SF3A3: variants seen among roughly 807,000 people sequenced by gnomAD.
SF3A3 encodes the protein SAP 61.
Under a neutral mutation model 85.8 loss-of-function variants are expected in SF3A3, and 9 were observed. The observed-to-expected ratio is 0.10, with a 90% CI of 0.06 to 0.18. The LOEUF (loss-of-function observed/expected upper bound fraction) is 0.18, where lower values mean the gene tolerates loss of function less well. SF3A3 is among the 10% of genes least tolerant of loss of function. The pLI is 1.00. For missense variants in SF3A3, 306 were observed against 593.3 expected (o/e 0.52, Z 5.03); for synonymous variants, 195 against 204.4 (o/e 0.95, Z 0.39).
At chr1:37,974,445 GAT>G (rs1646365804) in intron 12 of SF3A3, among the ~76,000 whole-genome samples, 1 of 151,802 alleles carries the variant, frequency 6.6e-6, no homozygotes, top group Non-Finnish European at 1.5e-5. Flanking sequence ...TGGGACTACA[GAT>G]GCCCGCCACT....
intron 12 of SF3A3, among the ~76,000 whole-genome samples, chr1:37,971,007 AGAG>A (rs1646341371): frequency 6.6e-6 from 1 of 152,194 alleles, no homozygotes; most frequent in African/African-American, 2.4e-5. Flanking sequence ...AATTAAGATC[AGAG>A]GAGAAGTGAA....
In SF3A3 at chr1:37,985,579, GGTTTTT is replaced by G. The variant is rs540753289; in HGVS notation, c.304-806_304-801del. Among the ~76,000 whole-genome samples the G allele has an allele frequency of 8.6e-4, 131 of 152,266 alleles. No homozygotes were observed. The South Asian group carries it at 0.013, about 15-fold the overall frequency. On this transcript the variant is annotated intron_variant, in intron 4 of 16. Transcript: ENST00000373019. ...GTACAAGTACATTCATGCCTGCATA[GGTTTTT>G]GTTTTTGTTTTTTTAACATAAAAGA...
intron 12 of SF3A3, among the ~76,000 whole-genome samples, chr1:37,974,113 G>A (rs916347035): frequency 6.6e-6 from 1 of 151,978 alleles, no homozygotes; most frequent in African/African-American, 2.4e-5. Context: ...GATAGCATTA[G>A]GAGATATACC....
intron 12 of SF3A3, among the ~76,000 whole-genome samples, chr1:37,970,399 CAAT>C (rs1646330268): frequency 6.6e-6 from 1 of 151,642 alleles, no homozygotes; most frequent in East Asian, 1.9e-4. Flanking sequence ...GACTCCCACA[CAAT>C]AATAATGGGA....
At chr1:37,978,060 G>A (rs1240440724) in intron 11 of SF3A3, among the ~76,000 whole-genome samples, 2 of 151,480 alleles carry the variant, frequency 1.3e-5, no homozygotes, top group Non-Finnish European at 2.9e-5. Flanking sequence ...ACCCTGGGTC[G>A]GGCACGGTGG....
intron 9 of SF3A3, 194 bp downstream of exon 9, chr1:37,979,271 T>G (rs1646400890): frequency 1.6e-6 from 1 of 623,128 alleles, no homozygotes; most frequent in African/African-American, 1.8e-5. Flanking sequence ...TACGGCTTAA[T>G]GTAGTTAGAA....
At chr1:37,971,568 T>C (rs1646344836) in intron 12 of SF3A3, among the ~76,000 whole-genome samples, 1 of 152,164 alleles carries the variant, frequency 6.6e-6, no homozygotes, top group Admixed American at 6.5e-5. Flanking sequence ...AAGAGAATTT[T>C]AGACAATATC....
chr1:37,981,461 A>G (rs1646418197), intron 7 of SF3A3, among the ~76,000 whole-genome samples: 1 of 152,226 alleles, frequency 6.6e-6, no homozygotes, highest in South Asian at 2.1e-4. Flanking sequence ...CAGAAATCCC[A>G]GAGTGGGAGA....
rs752798250 is a variant in SF3A3 at position 37,987,600 on chromosome 1, C to T, written c.276G>A (p.Lys92=). The stretch of plus-strand genomic sequence containing the variant: ...CATTTGGGTGCTTCCGGTGGAATTC[C>T]TTTATTTGCTTGAGTCTATTATAGA... ...AEFYNRLKQI[K]EFHRKHPNEI... The change falls in exon 4 of 17, where the codon AAG becomes AAA. Residue 92 remains lysine, a synonymous_variant. Transcript: ENST00000373019. 35 of 1,613,868 alleles carry T rather than the reference C, an allele frequency of 2.2e-5. No homozygotes were observed. In the East Asian group the frequency reaches 6.9e-4, roughly 32 times the overall value.
chr1:37,979,017 A>T lies in SF3A3; in HGVS notation c.798T>A (p.Ala266=). 1 of 1,614,096 alleles carries T rather than the reference A, an allele frequency of 6.2e-7. No homozygotes were observed. The highest frequency in any genetic ancestry group is 8.5e-7 in the Non-Finnish European group (1 of 1,179,914). ...ASLGLDRLKS[A]LLALGLKCGG... ...CACATTTCAAGCCTAAAGCTAAGAGAGCAGATTTCAATCTGTCCAAACCCA... is the reference window on the plus strand; with the variant it reads ...CACATTTCAAGCCTAAAGCTAAGAGTGCAGATTTCAATCTGTCCAAACCCA... Residue 266 remains alanine, a synonymous_variant, in exon 10 of 17, where the codon GCT becomes GCA. Transcript: ENST00000373019.
chr1:37,973,171 T>G (rs1434602280), intron 12 of SF3A3, among the ~76,000 whole-genome samples: 1 of 151,984 alleles, frequency 6.6e-6, no homozygotes, highest in African/African-American at 2.4e-5. Context: ...AGAGTGAGAC[T>G]CTGTCTCCAA....
chr1:37,972,676 T>C (rs1419585910), intron 12 of SF3A3, among the ~76,000 whole-genome samples: 1 of 152,126 alleles, frequency 6.6e-6, no homozygotes, highest in Admixed American at 6.5e-5. Flanking sequence ...AAAACAGAGA[T>C]ATAGACCAAT....
chr1:37,983,960 A>G (rs1473066743), intron 6 of SF3A3, among the ~76,000 whole-genome samples: 1 of 152,132 alleles, frequency 6.6e-6, no homozygotes, highest in Admixed American at 6.5e-5. Flanking sequence ...AAGTATTAAT[A>G]AATAAATATG....
intron 13 of SF3A3, 42 bp downstream of exon 13, chr1:37,969,529 C>G (rs1377822966): frequency 6.2e-7 from 1 of 1,613,938 alleles, no homozygotes; most frequent in Non-Finnish European, 8.5e-7. Flanking sequence ...TATCTGTTTC[C>G]AAAATGGGGA....
intron 12 of SF3A3, 25 bp downstream of exon 12, chr1:37,976,859 C>T (rs769879507): frequency 7.0e-7 from 1 of 1,421,360 alleles, no homozygotes; most frequent in South Asian, 1.2e-5. Context: ...ATACCATTTT[C>T]CACTTTCAGC....
chr1:37,983,010 C>A (rs1460742507), intron 6 of SF3A3, among the ~76,000 whole-genome samples: 1 of 151,896 alleles, frequency 6.6e-6, no homozygotes, highest in Non-Finnish European at 1.5e-5. Flanking sequence ...ACAATCTCGG[C>A]TTACCGCGAC....
At chr1:37,971,344 T>C (rs1232423569) in intron 12 of SF3A3, among the ~76,000 whole-genome samples, 2 of 152,122 alleles carry the variant, frequency 1.3e-5, no homozygotes, top group East Asian at 1.9e-4. Flanking sequence ...TAACAGGTTC[T>C]GAAACTGAGG....
rs764152374 is a variant in SF3A3 at position 37,984,696 on chromosome 1, C to T, written c.376+11G>A. ...TTGCTGGTGCTGAATGAAATTTTCA[C>T]CCCTACTTACTTTGTGCCTCTTCAC... On this transcript the variant is annotated intron_variant, in intron 5 of 16. Coordinates refer to ENST00000373019, the MANE Select transcript of SF3A3 (RefSeq NM_006802.4). 10 of 1,599,060 alleles carry T rather than the reference C, an allele frequency of 6.3e-6. No individual in the cohort carries two copies. The highest frequency in any genetic ancestry group is 2.2e-5 in the South Asian group (2 of 90,790).
intron 11 of SF3A3, among the ~76,000 whole-genome samples, chr1:37,977,987 A>G (rs1646390720): frequency 6.6e-6 from 1 of 152,116 alleles, no homozygotes; most frequent in Non-Finnish European, 1.5e-5. Context: ...ACTGCACTCC[A>G]GCCTGGGCAA....
Sources: gnomAD v4.1 joint callset for allele counts (sites outside exome capture counted in the v4.1 genomes callset) on GRCh38, gnomAD v4.1.1 for gene constraint, MANE v1.5 for transcripts, NCBI Gene and HGNC (gene_info 2026-07-23, HGNC 2026-07-21) for gene names.